KIF20A: variants seen among roughly 807,000 people sequenced by gnomAD.
The protein encoded by KIF20A is kinesin family member 20A.
A neutral mutation model predicts 113.0 loss-of-function variants in KIF20A; 66 were observed. That is an observed-to-expected ratio of 0.58 (90% CI 0.48 to 0.72). The LOEUF (loss-of-function observed/expected upper bound fraction) is 0.72, where lower values mean the gene tolerates loss of function less well. Among genes scored for constraint, KIF20A ranks in the 30% least tolerant of loss-of-function variants. The pLI is 0.00. For missense variants in KIF20A, 927 were observed against 1,077.6 expected (o/e 0.86, Z 1.96); for synonymous variants, 376 against 402.3 (o/e 0.93, Z 0.78).
rs764911233 is a variant in KIF20A, at chr5:138,182,922, C to T, written c.764C>T (p.Thr255Ile). ...ATCGAAAGTCGGATAGGTACCAGCA[C>T]CAGCTTCGACAGTGGCATTGCTGGG... The part of the protein sequence containing the change: ...VYIESRIGTS[T>I]SFDSGIAGLS... Residue 255 changes from threonine (T) to isoleucine (I), a missense_variant, in exon 7 of 19, where the codon ACC becomes ATC. Physicochemically the swap from Thr to Ile is moderately conservative, Grantham distance 89. Transcript: ENST00000394894. The T allele has an allele frequency of 2.0e-5, 32 of 1,614,048 alleles. 1 individual carries two copies. The highest frequency in any genetic ancestry group is 4.0e-5 in the African/African-American group (3 of 74,916).
Position 138,182,847 on chromosome 5 carries a change from C to T in KIF20A, c.703-14C>T. On this transcript the variant is annotated splice_polypyrimidine_tract_variant and intron_variant, in intron 6 of 18. Coordinates refer to ENST00000394894, the MANE Select transcript of KIF20A (RefSeq NM_005733.3). The stretch of plus-strand genomic sequence containing the variant: ...GGGAAGTTTTGTGCTTACCTTCTCC[C>T]TGTGCCCCTCCAGGAGGAGCTGTCC... 1 of 1,614,078 alleles carries T rather than the reference C, an allele frequency of 6.2e-7. No homozygotes were observed. The highest frequency in any genetic ancestry group is 8.5e-7 in the Non-Finnish European group (1 of 1,179,954).
chr5:138,180,697 A>T (rs1754648386), intron 2 of KIF20A, among the ~76,000 whole-genome samples: 1 of 151,510 alleles, frequency 6.6e-6, no homozygotes, highest in African/African-American at 2.4e-5. Context: ...TGTTTTCGAG[A>T]TGGAGTCTCG....
chr5:138,186,397 C>T lies in KIF20A; in HGVS notation c.2321C>T (p.Ala774Val). ...HSTGAGKLRQ[A>V]LTTCDDILIK... Reference sequence around the variant, plus strand: ...ACTGGGGCAGGAAAACTTCGTCAAGCCTTGACCACTTGTGATGACATCTTA... The same window carrying T: ...ACTGGGGCAGGAAAACTTCGTCAAGTCTTGACCACTTGTGATGACATCTTA... The change falls in exon 18 of 19, where the codon GCC becomes GTC. Residue 774 changes from alanine to valine, a missense_variant. By Grantham distance (64) the Ala-to-Val change is moderately conservative (BLOSUM62 0). Transcript: ENST00000394894. The T allele has an allele frequency of 1.2e-6, 2 of 1,611,904 alleles. No individual in the cohort carries two copies. Among genetic ancestry groups the T allele is most frequent in the Middle Eastern group, 1.7e-4 (1 of 6,040 alleles).
In KIF20A at chr5:138,184,694, C is replaced by A; in HGVS notation, c.1683+18C>A. 1 of 1,612,998 alleles carries A rather than the reference C, an allele frequency of 6.2e-7. No homozygotes were observed. The highest frequency in any genetic ancestry group is 8.5e-7 in the Non-Finnish European group (1 of 1,179,080). On this transcript the variant is annotated intron_variant, in intron 13 of 18. Transcript: ENST00000394894. Reference sequence around the variant, plus strand: ...GCAAAGAGGTGAGAATACAAGAAAGCTTTAGTGTAGCAGCTTAGTAGCTAC... The same window carrying A: ...GCAAAGAGGTGAGAATACAAGAAAGATTTAGTGTAGCAGCTTAGTAGCTAC...
rs1409014025 is a variant in KIF20A, at chr5:138,183,023, A to T, written c.832+33A>T. ...CCGTGACTGGGCTCTGCCAAAAAAT[A>T]GTAGGAACTCACTCCCTGTTCCTAA... On this transcript the variant is annotated intron_variant, in intron 7 of 18. Transcript: ENST00000394894. The surrounding 1 kb of genome is among the most constrained non-coding windows in gnomAD (Gnocchi z 5.2). 1 of 1,613,424 alleles carries T rather than the reference A, an allele frequency of 6.2e-7. No individual in the cohort carries two copies. Among genetic ancestry groups the T allele is most frequent in the Non-Finnish European group, 8.5e-7 (1 of 1,179,806 alleles).
chr5:138,187,094 A>T lies in KIF20A; in HGVS notation c.2356-2A>T, dbSNP rs573643392. 1 of 1,604,764 alleles carries T rather than the reference A, an allele frequency of 6.2e-7. No individual in the cohort carries two copies. The highest frequency in any genetic ancestry group is 1.1e-5 in the South Asian group (1 of 90,430). On this transcript the variant is annotated splice_acceptor_variant, in intron 18 of 18. Transcript: ENST00000394894. LOFTEE classifies it high-confidence loss of function. ...TTCTATAACTTTATTGATCTTCCTT[A>T]GGACCAGACTCTGGCTGAACTGCAG...
In KIF20A at chr5:138,179,723, G is replaced by A. The variant is rs773122024; in HGVS notation, c.43G>A (p.Asp15Asn). The A allele has an allele frequency of 1.9e-6, 3 of 1,614,140 alleles. No homozygotes were observed. Among genetic ancestry groups the A allele is most frequent in the African/African-American group, 1.3e-5 (1 of 75,032 alleles). The change falls in exon 2 of 19, where the codon GAT becomes AAT. Residue 15 changes from aspartate (D) to asparagine (N), a missense_variant. Coordinates refer to ENST00000394894, the MANE Select transcript of KIF20A (RefSeq NM_005733.3). ...ILSPPAGLLS[D>N]DDVVVSPMFE... ...TTCTCCGCCAGCGGGCTTGCTGTCC[G>A]ATGACGATGTCGTAGTTTCTCCCAT...
In KIF20A at chr5:138,183,555, C is replaced by A. The variant is rs1754694777; in HGVS notation, c.1113C>A (p.Thr371=). 2 of 1,614,080 alleles carry A rather than the reference C, an allele frequency of 1.2e-6. No individual in the cohort carries two copies. Among genetic ancestry groups the A allele is most frequent in the East Asian group, 4.5e-5 (2 of 44,878 alleles). ...GTAAGAACCAGAGCTTTGCCAGCAC[C>A]CACCTCAACCAGAACTCCAGCCGCA... ...VGRKNQSFAS[T]HLNQNSSRSH... The change falls in exon 9 of 19, where the codon ACC becomes ACA. Residue 371 remains threonine, a synonymous_variant. Coordinates refer to ENST00000394894, the MANE Select transcript of KIF20A (RefSeq NM_005733.3). This position sits in a 1 kb window ranked among gnomAD's most constrained non-coding sequence, Gnocchi z 5.2.
Position 138,187,208 on chromosome 5 carries a change from A to G in KIF20A, c.2468A>G (p.Gln823Arg). The G allele has an allele frequency of 6.2e-7, 1 of 1,614,194 alleles. No homozygotes were observed. The highest frequency in any genetic ancestry group is 8.5e-7 in the Non-Finnish European group (1 of 1,180,016). The part of the protein sequence containing the change: ...QYHTVLKLQG[Q>R]VSAKKRLGTN... ...CATACTGTGTTGAAACTCCAAGGCC[A>G]GGTTTCTGCCAAAAAGCGCCTTGGT... Residue 823 changes from glutamine to arginine, a missense_variant, in exon 19 of 19, where the codon CAG becomes CGG. By Grantham distance (43) the Gln-to-Arg change is conservative. Transcript: ENST00000394894.
At position 138,185,687 on chromosome 5, in the gene KIF20A, C is replaced by T. The variant is rs749332773; in HGVS notation, c.2102C>T (p.Ala701Val). ...AAAGCTAAATTACAGCAGTGCAAAG[C>T]AGAGCTAAACTCTACCACTGAAGGT... is the stretch of plus-strand genomic sequence containing the variant. ...EVKAKLQQCKAELNSTTEELH... is the reference protein window; with the variant it reads ...EVKAKLQQCKVELNSTTEELH... The change falls in exon 16 of 19, where the codon GCA (alanine) becomes GTA (valine). Residue 701 changes from alanine (A) to valine (V), a missense_variant. Physicochemically the swap from Ala to Val is moderately conservative, Grantham distance 64 (BLOSUM62 0). Transcript: ENST00000394894. The T allele has an allele frequency of 1.2e-6, 2 of 1,614,128 alleles. No homozygotes were observed. The highest frequency in any genetic ancestry group is 1.1e-5 in the South Asian group (1 of 91,082).
rs1026922202 is a variant in KIF20A at position 138,181,149 on chromosome 5, T to G, written c.166-273T>G. Among the ~76,000 whole-genome samples the G allele has an allele frequency of 3.3e-4, 50 of 152,248 alleles. No individual in the cohort carries two copies. Among genetic ancestry groups the G allele is most frequent in the Non-Finnish European group, 1.0e-4 (7 of 68,044 alleles). On this transcript the variant is annotated intron_variant, in intron 2 of 18. Coordinates refer to ENST00000394894, the MANE Select transcript of KIF20A (RefSeq NM_005733.3). ...GCCTCTGCTTTGCTTTAATATCACA[T>G]ACTAATTTTCATACCAGTCAATAAA...
At position 138,184,793 on chromosome 5, in the gene KIF20A, T is replaced by C; in HGVS notation, c.1684-14T>C. 1 of 1,613,920 alleles carries C rather than the reference T, an allele frequency of 6.2e-7. No individual in the cohort carries two copies. Among genetic ancestry groups the C allele is most frequent in the South Asian group, 1.1e-5 (1 of 91,052 alleles). ...TGAGCATCTGATGACCTCTGACATG[T>C]GTGTCTCTCCTAGGAGCTCCTACAA... On this transcript the variant is annotated splice_polypyrimidine_tract_variant and intron_variant, in intron 13 of 18. Coordinates refer to ENST00000394894, the MANE Select transcript of KIF20A (RefSeq NM_005733.3).
chr5:138,184,137 C>T, intron 11 of KIF20A, 32 bp downstream of exon 11: 1 of 1,613,292 alleles, frequency 6.2e-7, no homozygotes, highest in South Asian at 1.1e-5. Context: ...CTGGGCTCTG[C>T]AATTTGCTAA....
At chr5:138,180,383 A>C (rs1333040217) in intron 2 of KIF20A, among the ~76,000 whole-genome samples, 2 of 152,198 alleles carry the variant, frequency 1.3e-5, no homozygotes, top group African/African-American at 4.8e-5. Flanking sequence ...TACCCACTAG[A>C]TGTCAGTAGT....
chr5:138,184,298 T>C lies in KIF20A; in HGVS notation c.1412T>C (p.Phe471Ser). ...AAGTTGACTCGAGTGTTCCAAGGTT[T>C]CTTCACAGGCCGAGGCCGTTCCTGC... ...DSKLTRVFQG[F>S]FTGRGRSCMI... Residue 471 changes from phenylalanine to serine, a missense_variant, in exon 12 of 19, where the codon TTC (phenylalanine) becomes TCC (serine). By Grantham distance (155) the Phe-to-Ser change is radical. Transcript: ENST00000394894. The C allele has an allele frequency of 6.2e-7, 1 of 1,614,194 alleles. No homozygotes were observed. Among genetic ancestry groups the C allele is most frequent in the Non-Finnish European group, 8.5e-7 (1 of 1,180,034 alleles).
At chr5:138,180,956 C>T (rs1183875775) in intron 2 of KIF20A, among the ~76,000 whole-genome samples, 1 of 152,204 alleles carries the variant, frequency 6.6e-6, no homozygotes, top group Non-Finnish European at 1.5e-5. Context: ...GGATTATAGG[C>T]GTGAGCCCCT....
rs1754767455 is a variant in KIF20A, at chr5:138,187,579, T to TA, written c.*166_*167insA. The TA allele has an allele frequency of 1.9e-6, 1 of 537,648 alleles. No homozygotes were observed. Among genetic ancestry groups the TA allele is most frequent in the African/African-American group, 1.9e-5 (1 of 53,090 alleles). The allele number at this position is 537,648 out of a possible 1,614,324, so 33.3% of individuals were successfully genotyped here. ...TTTTGTATTATAACCACCTATGTAA[T>TA]CTCATGTTGTTGTTTTTTTTTATTT... On this transcript the variant is annotated 3_prime_UTR_variant, in exon 19 of 19. Transcript: ENST00000394894.
chr5:138,185,364 A>T, intron 15 of KIF20A, 148 bp from the exon 16 acceptor site: 2 of 858,470 alleles, frequency 2.3e-6, no homozygotes, highest in Non-Finnish European at 3.7e-6. Context: ...TGAATTGATT[A>T]AGGGTTTAGT....
Position 138,185,515 on chromosome 5 carries a change from C to T in KIF20A, c.1930C>T (p.Arg644Trp), listed in dbSNP as rs146201395. 1.9e-5 allele frequency: 31 copies of T among 1,612,678 alleles called. No individual in the cohort carries two copies. The African/African-American group carries it at 2.8e-4, about 15-fold the overall frequency. The change falls in exon 16 of 19, where the codon CGG (arginine) becomes TGG (tryptophan). Residue 644 changes from arginine to tryptophan, a missense_variant. Coordinates refer to ENST00000394894, the MANE Select transcript of KIF20A (RefSeq NM_005733.3). ...GTGCTCTCTGCTTCCCTCTTAGGAG[C>T]GGGATGAAAAGATTGAAGAGCTAGA... ...TSFYQEEIQE[R>W]DEKIEELEAL...
Sources: gnomAD v4.1 joint callset for allele counts (sites outside exome capture counted in the v4.1 genomes callset) on GRCh38, gnomAD v4.1.1 for gene constraint, Gnocchi (gnomAD v3.1) non-coding constraint, MANE v1.5 for transcripts, NCBI Gene and HGNC (gene_info 2026-07-23, HGNC 2026-07-21) for gene names.